Variants in ZNF487 observed in about 807,000 individuals in gnomAD.
ZNF487 encodes zinc finger protein 487, also known as KRAB domain only 1.
Under a neutral mutation model 3.0 loss-of-function variants are expected in ZNF487, and 4 were observed. The observed-to-expected ratio is 1.35, with a 90% CI of 0.66 to 3.08. The LOEUF (loss-of-function observed/expected upper bound fraction) is 3.08. Ranked by LOEUF, ZNF487 falls within the 30% of genes most tolerant of loss-of-function variation. The pLI is 0.01. For synonymous variants in ZNF487, 55 were observed against 34.6 expected, an observed-to-expected ratio of 1.59 and a Z score of -2.06; for missense variants, 146 against 98.7, an observed-to-expected ratio of 1.48 and a Z score of -2.03.
At chr10:43,441,761 A>G (rs1442565761) in intron 1 of ZNF487, among the ~76,000 whole-genome samples, 2 of 150,952 alleles carry the variant, frequency 1.3e-5, no homozygotes, top group African/African-American at 4.9e-5. Flanking sequence ...TGATTTTTGT[A>G]TTTCTAGTTG....
chr10:43,465,445 G>T (rs1431370038), intron 1 of ZNF487, among the ~76,000 whole-genome samples: 2 of 151,412 alleles, frequency 1.3e-5, no homozygotes, highest in African/African-American at 4.9e-5. Context: ...GCAGCTGCCG[G>T]GCAGAGGGTC....
chr10:43,448,996 A>G (rs1023263010), intron 1 of ZNF487, among the ~76,000 whole-genome samples: 11 of 125,892 alleles, frequency 8.7e-5, no homozygotes, highest in East Asian at 2.4e-4. Context: ...CCTGTCTCCG[A>G]AAAAAAAAAA....
intron 1 of ZNF487, among the ~76,000 whole-genome samples, chr10:43,439,277 G>A (rs144778886): frequency 0.01 from 1,568 of 152,222 alleles, 5 homozygotes; most frequent in Middle Eastern, 0.034. Context: ...GCATGTGCCT[G>A]TAGTCCTAGC....
chr10:43,470,551 T>C (rs893252571), intron 1 of ZNF487, among the ~76,000 whole-genome samples: 22 of 151,950 alleles, frequency 1.4e-4, no homozygotes, highest in African/African-American at 5.1e-4. Context: ...ACCTGGCTAA[T>C]TTTTTTGTAT....
the ZNF487 span, among the ~76,000 whole-genome samples, chr10:43,511,887 G>A: frequency 1.3e-5 from 2 of 152,136 alleles, no homozygotes; most frequent in African/African-American, 2.4e-5. Context: ...CACTGAGAGA[G>A]ATCCATCCAC....
At chr10:43,491,889 A>G in the ZNF487 span, among the ~76,000 whole-genome samples, 9 of 151,810 alleles carry the variant, frequency 5.9e-5, no homozygotes, top group Non-Finnish European at 1.2e-4. Context: ...TGAGCAAGAG[A>G]CAGAAGAAAT....
At chr10:43,493,691 AAAAG>A in the ZNF487 span, among the ~76,000 whole-genome samples, 3 of 38,068 alleles carry the variant, frequency 7.9e-5, no homozygotes, top group Admixed American at 3.0e-4. Context: ...CTTCCTCAAA[AAAAG>A]AAAAAAAAAA....
At chr10:43,460,933 C>G (rs1037831215) in intron 1 of ZNF487, among the ~76,000 whole-genome samples, 1 of 152,062 alleles carries the variant, frequency 6.6e-6, no homozygotes, top group Non-Finnish European at 1.5e-5. Context: ...CTCAAGTGAT[C>G]TAACACCACC....
At chr10:43,448,642 C>G (rs1044443212) in intron 1 of ZNF487, among the ~76,000 whole-genome samples, 3 of 151,644 alleles carry the variant, frequency 2.0e-5, no homozygotes, top group Non-Finnish European at 4.4e-5. Context: ...ATGGCGAAAC[C>G]CTGTCTCTAC....
chr10:43,464,171 ACTTTTTTTTT>A (rs1377269378), intron 1 of ZNF487, among the ~76,000 whole-genome samples: 1 of 150,590 alleles, frequency 6.6e-6, no homozygotes, highest in East Asian at 1.9e-4. Context: ...GCAAAGGAAA[ACTTTTTTTTT>A]CTTTTTTTTT....
chr10:43,449,887 C>A (rs1324161180), intron 1 of ZNF487, among the ~76,000 whole-genome samples: 1 of 152,038 alleles, frequency 6.6e-6, no homozygotes, highest in Non-Finnish European at 1.5e-5. Flanking sequence ...CCCATGTTGG[C>A]CAGGCTGGTC....
At chr10:43,469,628 A>G (rs1405833904) in intron 1 of ZNF487, among the ~76,000 whole-genome samples, 3 of 152,098 alleles carry the variant, frequency 2.0e-5, no homozygotes, top group Non-Finnish European at 4.4e-5. Context: ...GGCATGAACC[A>G]ATGTACTTGG....
chr10:43,485,400 A>C (rs927604215), downstream of ZNF487, among the ~76,000 whole-genome samples: 8 of 152,358 alleles, frequency 5.3e-5, no homozygotes, highest in Middle Eastern at 3.4e-3. Context: ...GACATCTGTC[A>C]CATGATTTAC....
chr10:43,470,235 C>T (rs184360137), intron 1 of ZNF487, among the ~76,000 whole-genome samples: 1 of 152,146 alleles, frequency 6.6e-6, no homozygotes, highest in East Asian at 1.9e-4. Flanking sequence ...GTTGCGGGAA[C>T]AGTGTTTTAC....
At chr10:43,522,886 A>G in the ZNF487 span, among the ~76,000 whole-genome samples, 6 of 152,102 alleles carry the variant, frequency 3.9e-5, no homozygotes, top group East Asian at 1.2e-3. Context: ...CTCAAACACT[A>G]TCACCTGATT....
At chr10:43,498,109 T>A in the ZNF487 span, among the ~76,000 whole-genome samples, 283 of 9,312 alleles carry the variant, frequency 0.03, 19 homozygotes, top group East Asian at 0.1. Context: ...ATTTTTTTTT[T>A]TTTTCTTTTT....
the ZNF487 span, among the ~76,000 whole-genome samples, chr10:43,500,490 A>C: frequency 1.3e-5 from 2 of 151,908 alleles, no homozygotes; most frequent in East Asian, 3.9e-4. Context: ...AACCATTTGC[A>C]ATAACAAGGC....
chr10:43,508,115 C>T, the ZNF487 span, among the ~76,000 whole-genome samples: 1 of 152,124 alleles, frequency 6.6e-6, no homozygotes, highest in African/African-American at 2.4e-5. Flanking sequence ...CCTATGGCAC[C>T]CTGTGGCATT....
At chr10:43,474,573 A>G (rs1255635537) in intron 1 of ZNF487, among the ~76,000 whole-genome samples, 3 of 152,026 alleles carry the variant, frequency 2.0e-5, no homozygotes, top group African/African-American at 7.2e-5. Context: ...GGCCTCTAAA[A>G]GGAAAAATGA....
Sources: gnomAD v4.1 joint callset for allele counts (sites outside exome capture counted in the v4.1 genomes callset) on GRCh38, gnomAD v4.1.1 for gene constraint, MANE v1.5 for transcripts, NCBI Gene and HGNC (gene_info 2026-07-23, HGNC 2026-07-21) for gene names.